Variants in SLC35A3 observed in about 807,000 individuals in gnomAD.
SLC35A3 encodes solute carrier family 35 member A3.
A neutral mutation model predicts 39.0 loss-of-function variants in SLC35A3; 26 were observed. The observed-to-expected ratio is 0.67, with a 90% CI of 0.49 to 0.92. The LOEUF (loss-of-function observed/expected upper bound fraction) is 0.92, where lower values mean the gene tolerates loss of function less well. Ranked by LOEUF, SLC35A3 falls within the 40% of genes least tolerant of loss-of-function variation. The probability of loss-of-function intolerance (pLI) is 0.00; values close to 1 mark genes in which losing one functional copy is unlikely to be tolerated. For synonymous variants in SLC35A3, 135 were observed against 133.1 expected (o/e 1.01, Z -0.10); for missense variants, 299 against 371.6 (o/e 0.80, Z 1.61).
chr1:99,989,445 G>T (rs1374885073), intron 1 of SLC35A3, among the ~76,000 whole-genome samples: 2 of 151,806 alleles, frequency 1.3e-5, no homozygotes, highest in Admixed American at 6.6e-5. Context: ...AAGCATGCCT[G>T]GCTAATTTTT....
At position 100,034,268 on chromosome 1, in the gene SLC35A3, CTTTACT is replaced by C. The variant is rs1661388300; in HGVS notation, c.*11797_*11802del. On this transcript the variant is annotated 3_prime_UTR_variant, in exon 8 of 8. Transcript: ENST00000533028. The stretch of plus-strand genomic sequence containing the variant: ...TTATTCCTCTTCTCTGTATTTCTTA[CTTTACT>C]TTTATTTGTGTCTCTCAGGTACCCT... The C allele has an allele frequency of 2.0e-5, 3 of 151,812 alleles. No individual in the cohort carries two copies. Among genetic ancestry groups the C allele is most frequent in the Admixed American group, 1.3e-4 (2 of 15,244 alleles). 9.4% of individuals were successfully genotyped at this position (151,812 alleles called of 1,614,324 possible). A position where few individuals can be genotyped will look rare whatever the true frequency, so the allele number is the denominator to read the frequency against.
chr1:100,016,826 T>G (rs1159901678), intron 6 of SLC35A3, among the ~76,000 whole-genome samples: 1 of 152,128 alleles, frequency 6.6e-6, no homozygotes, highest in African/African-American at 2.4e-5. Context: ...GAAGCCCCCT[T>G]CCCTTAAAAA....
intron 1 of SLC35A3, among the ~76,000 whole-genome samples, chr1:99,992,366 T>C (rs777902803): frequency 1.3e-5 from 2 of 152,184 alleles, no homozygotes; most frequent in Non-Finnish European, 2.9e-5. Context: ...TTTTGGCTGA[T>C]ATTACTAAAG....
chr1:99,979,634 C>T (rs1200664017), intron 1 of SLC35A3, among the ~76,000 whole-genome samples: 2 of 151,368 alleles, frequency 1.3e-5, no homozygotes, highest in African/African-American at 4.8e-5. Context: ...GGTGTTTCAC[C>T]GTGTTAGCCA....
At chr1:99,978,092 T>C (rs1657227366) in intron 1 of SLC35A3, among the ~76,000 whole-genome samples, 1 of 152,226 alleles carries the variant, frequency 6.6e-6, no homozygotes, top group Admixed American at 6.5e-5. Flanking sequence ...TTTCTCTAGC[T>C]TATAAGCTTT....
intron 2 of SLC35A3, among the ~76,000 whole-genome samples, chr1:99,996,375 A>C (rs1336230445): frequency 6.6e-6 from 1 of 152,178 alleles, no homozygotes; most frequent in East Asian, 1.9e-4. Flanking sequence ...ATAGAAACTT[A>C]ATAGAAAAGG....
At chr1:99,991,612 G>A (rs1173384572) in intron 1 of SLC35A3, among the ~76,000 whole-genome samples, 1 of 152,138 alleles carries the variant, frequency 6.6e-6, no homozygotes, top group Non-Finnish European at 1.5e-5. Context: ...TACCAAAAAA[G>A]CCTACAGCGA....
At chr1:100,013,013 C>T (rs1659775952) in intron 5 of SLC35A3, among the ~76,000 whole-genome samples, 1 of 152,146 alleles carries the variant, frequency 6.6e-6, no homozygotes, top group Non-Finnish European at 1.5e-5. Context: ...AGTTAACATA[C>T]ATGAAGCACT....
chr1:100,024,787 C>T lies in SLC35A3; in HGVS notation c.*2311C>T, dbSNP rs1660808997. On this transcript the variant is annotated 3_prime_UTR_variant, in exon 8 of 8. Coordinates refer to ENST00000533028, the MANE Select transcript of SLC35A3 (RefSeq NM_012243.3). ...CGTGAGCCACTGCGCCCGGCCTATA[C>T]TGTATATATTTTTAAAGACTGTTCT... The T allele has an allele frequency of 2.5e-6, 1 of 395,476 alleles. No homozygotes were observed. The allele number at this position is 395,476 out of a possible 1,614,324, so 24.5% of individuals were successfully genotyped here.
chr1:100,006,124 G>T (rs1327892538), intron 3 of SLC35A3, among the ~76,000 whole-genome samples: 3 of 152,164 alleles, frequency 2.0e-5, no homozygotes, highest in Non-Finnish European at 4.4e-5. Flanking sequence ...TGTCAGTGGG[G>T]TCTGTCTGGT....
intron 3 of SLC35A3, among the ~76,000 whole-genome samples, chr1:100,000,900 G>A (rs1010409437): frequency 6.6e-6 from 1 of 151,712 alleles, no homozygotes; most frequent in Non-Finnish European, 1.5e-5. Context: ...GTGAGAGATG[G>A]GATCTAGTGT....
In SLC35A3 at chr1:99,993,624, A is replaced by G; in HGVS notation, c.70A>G (p.Met24Val). 6.2e-7 allele frequency: 1 copy of G among 1,614,064 alleles called. No individual in the cohort carries two copies. Among genetic ancestry groups the G allele is most frequent in the Non-Finnish European group, 8.5e-7 (1 of 1,179,954 alleles). Residue 24 changes from methionine to valine, a missense_variant, in exon 2 of 8, where the codon ATG becomes GTG. By Grantham distance (21) the Met-to-Val change is conservative (BLOSUM62 1). Transcript: ENST00000533028. ...TCAGACTACCAGTTTGGTTCTAACAATGCGTTATTCCAGAACTTTAAAAGA... is the reference window on the plus strand; with the variant it reads ...TCAGACTACCAGTTTGGTTCTAACAGTGCGTTATTCCAGAACTTTAAAAGA... ...VFQTTSLVLT[M>V]RYSRTLKEEG...
In SLC35A3 at chr1:99,972,969, A is replaced by T. The variant is rs565042945; in HGVS notation, c.-19+2807A>T. On this transcript the variant is annotated intron_variant, in intron 1 of 7. Coordinates refer to ENST00000533028, the MANE Select transcript of SLC35A3 (RefSeq NM_012243.3). Reference sequence around the variant, plus strand: ...TACATATACGCCTTAGGCTGCCTCAATTATATTTGAAATTGATATAATTTG... The same window carrying T: ...TACATATACGCCTTAGGCTGCCTCATTTATATTTGAAATTGATATAATTTG... Among the ~76,000 whole-genome samples the T allele has an allele frequency of 2.0e-5, 3 of 152,352 alleles. No homozygotes were observed. The South Asian group carries it at 6.2e-4, about 32-fold the overall frequency.
intron 6 of SLC35A3, among the ~76,000 whole-genome samples, chr1:100,016,758 G>A (rs910651613): frequency 1.3e-5 from 2 of 152,102 alleles, no homozygotes; most frequent in East Asian, 3.8e-4. Context: ...AATTTGAAGC[G>A]GAGATAGGGT....
chr1:99,984,106 CTGATA>C (rs1451886086), intron 1 of SLC35A3, among the ~76,000 whole-genome samples: 9 of 152,150 alleles, frequency 5.9e-5, no homozygotes, highest in African/African-American at 2.2e-4. Flanking sequence ...AGAAGTAGAT[CTGATA>C]TATCAGTTAA....
intron 7 of SLC35A3, among the ~76,000 whole-genome samples, chr1:100,021,617 C>T (rs1049015475): frequency 1.3e-5 from 2 of 151,986 alleles, no homozygotes; most frequent in African/African-American, 4.8e-5. Flanking sequence ...CTGCAGTGAG[C>T]CATGGTGACA....
At chr1:99,995,111 T>TCTTC (rs1491313965) in intron 2 of SLC35A3, among the ~76,000 whole-genome samples, 1 of 77,436 alleles carries the variant, frequency 1.3e-5, no homozygotes. Flanking sequence ...GTATTTTCTT[T>TCTTC]CTTTCTTTCT....
intron 1 of SLC35A3, among the ~76,000 whole-genome samples, chr1:99,978,207 T>C (rs960863462): frequency 6.6e-6 from 1 of 152,192 alleles, no homozygotes; most frequent in Non-Finnish European, 1.5e-5. Flanking sequence ...TTTTTCCTCC[T>C]ACCCATACCT....
rs1365059294 is a variant in SLC35A3 at position 100,030,589 on chromosome 1, C to A, written c.*8113C>A. The A allele has an allele frequency of 1.3e-5, 2 of 152,144 alleles. No individual in the cohort carries two copies. Among genetic ancestry groups the A allele is most frequent in the African/African-American group, 4.8e-5 (2 of 41,410 alleles). 9.4% of individuals were successfully genotyped at this position (152,144 alleles called of 1,614,324 possible). Reference sequence around the variant, plus strand: ...CCCAGGGAAGCCAAAAGATTGGACACCCCAGCTTTAAATGTAGAGTATTTA... The same window carrying A: ...CCCAGGGAAGCCAAAAGATTGGACAACCCAGCTTTAAATGTAGAGTATTTA... On this transcript the variant is annotated 3_prime_UTR_variant, in exon 8 of 8. Transcript: ENST00000533028.
Sources: allele counts gnomAD v4.1 joint callset (sites outside exome capture counted in the v4.1 genomes callset), GRCh38; gene constraint gnomAD v4.1.1; transcripts MANE v1.5; gene names NCBI Gene and HGNC (gene_info 2026-07-23, HGNC 2026-07-21).